CSMD1: variants seen among roughly 807,000 people sequenced by gnomAD.
CSMD1 encodes the protein CUB and Sushi multiple domains 1, also known as CUB and sushi domain-containing protein 1.
In CSMD1, 213 loss-of-function variants were observed where a neutral mutation model predicts 417.5. That is an observed-to-expected ratio of 0.51 (90% confidence interval 0.46 to 0.57). CSMD1 has a LOEUF of 0.57. Among genes scored for constraint, CSMD1 ranks in the 20% least tolerant of loss-of-function variants. CSMD1 has a pLI of 0.00. For synonymous variants in CSMD1, 2,862 were observed against 1,736.8 expected, an observed-to-expected ratio of 1.65 and a Z score of -16.11; for missense variants, 6,923 against 4,529.7, an observed-to-expected ratio of 1.53 and a Z score of -15.17.
chr8:3,009,138 C>G (rs895738640), intron 52 of CSMD1, among the ~76,000 whole-genome samples: 1 of 152,208 alleles, frequency 6.6e-6, no homozygotes, highest in Non-Finnish European at 1.5e-5. Context: ...TCCATTGGAG[C>G]TGTAGGATCT....
At chr8:4,839,038 G>A (rs2116764081) in intron 1 of CSMD1, among the ~76,000 whole-genome samples, 1 of 152,162 alleles carries the variant, frequency 6.6e-6, no homozygotes, top group Non-Finnish European at 1.5e-5. Context: ...ATAACTTTTT[G>A]GAATTGGTTT....
chr8:3,519,329 A>C (rs1368969876), intron 10 of CSMD1, among the ~76,000 whole-genome samples: 1 of 152,154 alleles, frequency 6.6e-6, no homozygotes, highest in Admixed American at 6.5e-5. Context: ...TCCAACCCCA[A>C]ATAAAAATTT....
intron 1 of CSMD1, among the ~76,000 whole-genome samples, chr8:4,782,018 C>T (rs907777901): frequency 6.6e-6 from 1 of 152,178 alleles, no homozygotes; most frequent in African/African-American, 2.4e-5. Flanking sequence ...TATTTATGCA[C>T]CTTTCTCAGT....
chr8:4,450,073 C>G (rs937228725), intron 2 of CSMD1, among the ~76,000 whole-genome samples: 5 of 152,206 alleles, frequency 3.3e-5, no homozygotes, highest in Admixed American at 2.0e-4. Context: ...CAAGGACTTC[C>G]TCGTCCTGTC....
chr8:4,579,940 G>A (rs1035617293), intron 2 of CSMD1, among the ~76,000 whole-genome samples: 12 of 152,028 alleles, frequency 7.9e-5, no homozygotes, highest in South Asian at 2.1e-4. Flanking sequence ...TCGATTTCCT[G>A]TATTTTATGT....
intron 3 of CSMD1, among the ~76,000 whole-genome samples, chr8:4,410,583 C>G (rs1307872937): frequency 1.3e-5 from 2 of 151,972 alleles, no homozygotes; most frequent in African/African-American, 4.8e-5. Flanking sequence ...AAATAATGAC[C>G]AATTTTTGTT....
intron 2 of CSMD1, among the ~76,000 whole-genome samples, chr8:4,520,627 G>C (rs910600445): frequency 1.3e-5 from 2 of 152,128 alleles, no homozygotes; most frequent in Admixed American, 6.5e-5. Context: ...TCTTGGTTTA[G>C]ATAAGTTATT....
intron 11 of CSMD1, chr8:3,469,097 C>A: frequency 3.4e-6 from 1 of 293,488 alleles, no homozygotes; most frequent in Non-Finnish European, 6.4e-6. Flanking sequence ...TCCCATTTTC[C>A]TGGAACCGAG....
intron 3 of CSMD1, among the ~76,000 whole-genome samples, chr8:4,378,925 G>T (rs35326813): frequency 6.6e-6 from 1 of 151,986 alleles, no homozygotes; most frequent in Non-Finnish European, 1.5e-5. Context: ...CCCAGCCCCT[G>T]GAATTGTGAT....
At chr8:4,297,473 C>T (rs758990214) in intron 3 of CSMD1, among the ~76,000 whole-genome samples, 5 of 152,170 alleles carry the variant, frequency 3.3e-5, no homozygotes, top group Non-Finnish European at 7.4e-5. Flanking sequence ...CAAGCTAATA[C>T]TTTATTCAGT....
intron 2 of CSMD1, among the ~76,000 whole-genome samples, chr8:4,472,969 T>C (rs567044034): frequency 1.3e-5 from 2 of 152,044 alleles, no homozygotes; most frequent in African/African-American, 4.8e-5. Flanking sequence ...CCTATTTATA[T>C]TTCATATATA....
intron 3 of CSMD1, among the ~76,000 whole-genome samples, chr8:4,033,419 G>T (rs921441362): frequency 6.6e-6 from 1 of 152,282 alleles, no homozygotes; most frequent in South Asian, 2.1e-4. Context: ...TCCAGCGTGG[G>T]TGACAGAGCG....
intron 3 of CSMD1, among the ~76,000 whole-genome samples, chr8:4,223,771 A>G (rs1216753553): frequency 2.0e-5 from 3 of 152,240 alleles, no homozygotes; most frequent in South Asian, 4.1e-4. Context: ...AAGGTGACCT[A>G]GTCTGATGCA....
At chr8:4,072,446 G>C (rs1397108518) in intron 3 of CSMD1, among the ~76,000 whole-genome samples, 1 of 152,062 alleles carries the variant, frequency 6.6e-6, no homozygotes, top group South Asian at 2.1e-4. Context: ...TATTTCTCTG[G>C]GAGATAGACT....
intron 7 of CSMD1, among the ~76,000 whole-genome samples, chr8:3,666,249 T>C (rs1221569213): frequency 6.7e-6 from 1 of 150,050 alleles, no homozygotes. Flanking sequence ...GACTTTCCAT[T>C]TCTATTCCTC....
intron 7 of CSMD1, among the ~76,000 whole-genome samples, chr8:3,650,255 G>C (rs1373657300): frequency 6.6e-6 from 1 of 151,794 alleles, no homozygotes; most frequent in Non-Finnish European, 1.5e-5. Flanking sequence ...TCCAGCCTGG[G>C]TGACAGAGCA....
intron 2 of CSMD1, among the ~76,000 whole-genome samples, chr8:4,589,647 T>G (rs914780035): frequency 2.0e-5 from 3 of 152,206 alleles, no homozygotes; most frequent in Non-Finnish European, 4.4e-5. Context: ...TAGGCAAGTG[T>G]GTTTGCACTG....
intron 5 of CSMD1, among the ~76,000 whole-genome samples, chr8:3,777,846 CAG>C (rs1798975862): frequency 6.7e-6 from 1 of 149,898 alleles, no homozygotes; most frequent in African/African-American, 2.5e-5. Flanking sequence ...CCTTGAAGTG[CAG>C]AGTCTCAGTT....
At chr8:4,066,863 T>A (rs1432366385) in intron 3 of CSMD1, among the ~76,000 whole-genome samples, 2 of 152,230 alleles carry the variant, frequency 1.3e-5, no homozygotes, top group Non-Finnish European at 2.9e-5. Context: ...TGATCACTGC[T>A]GATTTAACAC....
Sources: allele counts gnomAD v4.1 joint callset (sites outside exome capture counted in the v4.1 genomes callset), GRCh38; gene constraint gnomAD v4.1.1; transcripts MANE v1.5; gene names NCBI Gene and HGNC (gene_info 2026-07-23, HGNC 2026-07-21).